SUMF1: variants seen among roughly 807,000 people sequenced by gnomAD.
SUMF1 encodes sulfatase modifying factor 1.
In SUMF1, 48 loss-of-function variants were observed where a neutral mutation model predicts 47.6. The ratio of observed to expected loss-of-function variants is 1.01; its 90% confidence interval spans 0.80 to 1.28. The LOEUF is 1.28. SUMF1 is among the 50% of genes most tolerant of loss of function. The probability of loss-of-function intolerance (pLI) is 0.00; values close to 1 mark genes in which losing one functional copy is unlikely to be tolerated. For synonymous variants in SUMF1, 230 were observed against 192.1 expected, an observed-to-expected ratio of 1.20 and a Z score of -1.63; for missense variants, 571 against 485.4, an observed-to-expected ratio of 1.18 and a Z score of -1.66.
chr3:4,046,177 G>A (rs1695003338), intron 9 of SUMF1, among the ~76,000 whole-genome samples: 2 of 152,148 alleles, frequency 1.3e-5, no homozygotes, highest in South Asian at 2.1e-4. Flanking sequence ...CCTAAATGTG[G>A]GCTGGCTCAG....
intron 1 of SUMF1, among the ~76,000 whole-genome samples, chr3:4,456,207 G>C (rs750667689): frequency 6.6e-6 from 1 of 152,086 alleles, no homozygotes; most frequent in Non-Finnish European, 1.5e-5. Context: ...AGGCATTGAA[G>C]GAATGTACCT....
At chr3:4,176,617 G>A (rs1574952608) in intron 8 of SUMF1, among the ~76,000 whole-genome samples, 1 of 152,196 alleles carries the variant, frequency 6.6e-6, no homozygotes, top group Non-Finnish European at 1.5e-5. Context: ...ATGATAGAAA[G>A]AAACTACATC....
intron 9 of SUMF1, among the ~76,000 whole-genome samples, chr3:4,066,676 G>C (rs1344914379): frequency 1.3e-5 from 2 of 152,000 alleles, no homozygotes; most frequent in African/African-American, 4.8e-5. Context: ...ATTTTAGCTG[G>C]TTAGAAAGAA....
chr3:4,449,327 C>T lies in SUMF1; in HGVS notation c.458G>A (p.Gly153Asp). The T allele has an allele frequency of 6.2e-7, 1 of 1,614,102 alleles. No individual in the cohort carries two copies. Among genetic ancestry groups the T allele is most frequent in the Non-Finnish European group, 8.5e-7 (1 of 1,179,976 alleles). ...TGYLTEAEKF[G>D]DSFVFEGMLS... The stretch of plus-strand genomic sequence containing the variant: ...CATGCCTTCAAAGACAAAGGAGTCG[C>T]CAAACTTCTCAGCCTATAAGGAAGG... Residue 153 changes from glycine to aspartate, a missense_variant, in exon 3 of 9, where the codon GGC becomes GAC. Coordinates refer to ENST00000272902, the MANE Select transcript of SUMF1 (RefSeq NM_182760.4).
intron 8 of SUMF1, among the ~76,000 whole-genome samples, chr3:4,179,078 G>A (rs1277352623): frequency 6.6e-6 from 1 of 152,168 alleles, no homozygotes; most frequent in South Asian, 2.1e-4. Context: ...TATGCTCATG[G>A]ATAGGAAGAA....
intron 8 of SUMF1, among the ~76,000 whole-genome samples, chr3:4,183,190 T>C (rs567226129): frequency 9.3e-4 from 142 of 152,316 alleles, no homozygotes; most frequent in African/African-American, 3.3e-3. Flanking sequence ...GACAGTTAAT[T>C]TACTACAATT....
intron 8 of SUMF1, among the ~76,000 whole-genome samples, chr3:4,212,786 T>A (rs13064739): frequency 0.1 from 15,707 of 152,126 alleles, 1,074 homozygotes; most frequent in Middle Eastern, 0.16. Flanking sequence ...AATAGCCGAA[T>A]TGATCAAGTG....
chr3:4,370,416 A>G (rs1446819845), intron 8 of SUMF1, among the ~76,000 whole-genome samples: 1 of 152,162 alleles, frequency 6.6e-6, no homozygotes, highest in Non-Finnish European at 1.5e-5. Context: ...AAGTTAAGAA[A>G]TCTCTCTGGT....
At chr3:4,284,404 C>T (rs887308806) in intron 8 of SUMF1, among the ~76,000 whole-genome samples, 1 of 138,510 alleles carries the variant, frequency 7.2e-6, no homozygotes. Context: ...CAAAATGAGA[C>T]TCTGTCCCAA....
intron 1 of SUMF1, among the ~76,000 whole-genome samples, chr3:4,457,434 G>A (rs2079693324): frequency 6.6e-6 from 1 of 151,766 alleles, no homozygotes. Context: ...AGACCCCAAA[G>A]AGCGAAAGCA....
At chr3:4,354,228 A>G (rs1256145359) in intron 8 of SUMF1, among the ~76,000 whole-genome samples, 1 of 152,198 alleles carries the variant, frequency 6.6e-6, no homozygotes, top group African/African-American at 2.4e-5. Context: ...TCAAAGAAGG[A>G]TTAAATAAGA....
At chr3:4,245,226 G>A (rs1204804725) in intron 8 of SUMF1, among the ~76,000 whole-genome samples, 1 of 152,046 alleles carries the variant, frequency 6.6e-6, no homozygotes, top group Non-Finnish European at 1.5e-5. Flanking sequence ...CTGACTTTCT[G>A]AAGCCTACTT....
At chr3:4,419,574 C>G (rs1701823927) in intron 4 of SUMF1, among the ~76,000 whole-genome samples, 1 of 152,152 alleles carries the variant, frequency 6.6e-6, no homozygotes. Context: ...ACTTGGCTCT[C>G]TGTGGTTTTC....
At chr3:4,427,940 AT>A (rs746985043) in intron 3 of SUMF1, among the ~76,000 whole-genome samples, 23 of 152,144 alleles carry the variant, frequency 1.5e-4, no homozygotes, top group Non-Finnish European at 2.6e-4. Flanking sequence ...GGGGGAACTG[AT>A]TTGGGGCTTG....
intron 8 of SUMF1, chr3:4,317,206 G>A (rs1698701218): frequency 1.3e-6 from 2 of 1,547,310 alleles, no homozygotes; most frequent in Admixed American, 2.0e-5. Context: ...ATTTCTCGTT[G>A]GCAAAAATGT....
chr3:4,192,920 C>G (rs1433996687), intron 8 of SUMF1, among the ~76,000 whole-genome samples: 1 of 152,148 alleles, frequency 6.6e-6, no homozygotes, highest in Non-Finnish European at 1.5e-5. Context: ...AAAGGAGAGT[C>G]TGACATGTAA....
In SUMF1 at chr3:4,079,210, C is replaced by G. The variant is rs578009849; in HGVS notation, c.1015-10465G>C. Among the ~76,000 whole-genome samples the G allele has an allele frequency of 3.0e-4, 45 of 152,226 alleles. 1 individual carries two copies. In the South Asian group the frequency reaches 9.1e-3, roughly 31 times the overall value. The stretch of plus-strand genomic sequence containing the variant: ...TCAGCCAGCCAAAATACCCTGTATT[C>G]CAGCTTCTGTAAATATTATTAGCTA... On this transcript the variant is annotated intron_variant and NMD_transcript_variant, in intron 8 of 12. Transcript: ENST00000448413.
At chr3:4,249,703 G>T (rs375187015) in intron 8 of SUMF1, among the ~76,000 whole-genome samples, 1 of 152,154 alleles carries the variant, frequency 6.6e-6, no homozygotes, top group African/African-American at 2.4e-5. Context: ...GTAAAAACAC[G>T]TCTCTCACTT....
chr3:4,212,121 T>C (rs1165439038), intron 8 of SUMF1, among the ~76,000 whole-genome samples: 1 of 152,156 alleles, frequency 6.6e-6, no homozygotes, highest in Non-Finnish European at 1.5e-5. Context: ...CTGACCGCCG[T>C]GTATCCTGAC....
Sources: gnomAD v4.1 joint callset for allele counts (sites outside exome capture counted in the v4.1 genomes callset) on GRCh38, gnomAD v4.1.1 for gene constraint, MANE v1.5 for transcripts, NCBI Gene and HGNC (gene_info 2026-07-23, HGNC 2026-07-21) for gene names.